CNTNAP5: variants seen among roughly 807,000 people sequenced by gnomAD.
CNTNAP5 encodes the protein contactin associated protein family member 5.
CNTNAP5 carries 72 observed loss-of-function variants against 150.2 expected under a neutral mutation model. The ratio of observed to expected loss-of-function variants is 0.48; its 90% CI spans 0.40 to 0.58. The LOEUF (loss-of-function observed/expected upper bound fraction) is 0.58, where lower values mean the gene tolerates loss of function less well. Among genes scored for constraint, CNTNAP5 ranks in the 20% least tolerant of loss-of-function variants. The pLI is 0.00. For synonymous variants in CNTNAP5, 672 were observed against 619.8 expected, an observed-to-expected ratio of 1.08 and a Z score of -1.25; for missense variants, 1,636 against 1,626.2, an observed-to-expected ratio of 1.01 and a Z score of -0.10.
intron 1 of CNTNAP5, among the ~76,000 whole-genome samples, chr2:124,136,834 C>T (rs571951009): frequency 4.6e-5 from 7 of 152,198 alleles, no homozygotes; most frequent in African/African-American, 1.7e-4. Context: ...TGGAAGTGGC[C>T]CTTCATCAGA....
chr2:124,729,287 T>G (rs192649809), intron 13 of CNTNAP5, among the ~76,000 whole-genome samples: 1 of 152,238 alleles, frequency 6.6e-6, no homozygotes, highest in East Asian at 1.9e-4. Context: ...TTTTTATTAA[T>G]GTAATACAAT....
chr2:124,182,849 A>G (rs894061217), intron 1 of CNTNAP5, among the ~76,000 whole-genome samples: 1 of 152,118 alleles, frequency 6.6e-6, no homozygotes, highest in Non-Finnish European at 1.5e-5. Context: ...TTTAATCAGA[A>G]GATTTGTTCC....
At chr2:124,097,551 G>A (rs34694808) in intron 1 of CNTNAP5, among the ~76,000 whole-genome samples, 12,918 of 152,108 alleles carry the variant, frequency 0.085, 735 homozygotes, top group Non-Finnish European at 0.13. Flanking sequence ...ACATGCTGGC[G>A]CCCCAGAGCC....
At position 124,527,393 on chromosome 2, in the gene CNTNAP5, T is replaced by G; in HGVS notation, c.1586T>G (p.Val529Gly). ...AACCAGCCCAAGGACCTCATTTCAG[T>G]TCAGCAAGGTTCCCTGGGGAATTTT... ...IDNQPKDLIS[V>G]QQGSLGNFSD... Residue 529 changes from valine (V) to glycine (G), a missense_variant, in exon 10 of 24, where the codon GTT (valine) becomes GGT (glycine). Transcript: ENST00000682447. 1 of 1,613,728 alleles carries G rather than the reference T, an allele frequency of 6.2e-7. No homozygotes were observed. Among genetic ancestry groups the G allele is most frequent in the Non-Finnish European group, 8.5e-7 (1 of 1,179,670 alleles).
chr2:124,317,367 C>T lies in CNTNAP5; in HGVS notation c.381+74974C>T, dbSNP rs948706953. On this transcript the variant is annotated intron_variant, in intron 3 of 23. Coordinates refer to ENST00000682447, the MANE Select transcript of CNTNAP5 (RefSeq NM_001367498.1). ...CATGCAAAGTTTAAGCAAATTTTCACGTCACTCAGCTTTTAAGTAGAAAAG... is the reference window on the plus strand; with the variant it reads ...CATGCAAAGTTTAAGCAAATTTTCATGTCACTCAGCTTTTAAGTAGAAAAG... 3.9e-5 allele frequency among the ~76,000 whole-genome samples: 6 copies of T among 152,114 alleles called. No homozygotes were observed. The South Asian group carries it at 8.3e-4, about 21-fold the overall frequency.
intron 1 of CNTNAP5, among the ~76,000 whole-genome samples, chr2:124,117,025 G>C (rs981605739): frequency 6.6e-6 from 1 of 152,210 alleles, no homozygotes; most frequent in African/African-American, 2.4e-5. Context: ...CTTGAAATGT[G>C]AGACAGCACT....
At chr2:124,045,576 C>T (rs1681511020) in intron 1 of CNTNAP5, among the ~76,000 whole-genome samples, 1 of 151,990 alleles carries the variant, frequency 6.6e-6, no homozygotes, top group Admixed American at 6.6e-5. Flanking sequence ...CCGCACCAGG[C>T]CTGGTTTTCT....
chr2:124,435,612 T>C (rs1034501054), intron 5 of CNTNAP5, among the ~76,000 whole-genome samples: 2 of 152,218 alleles, frequency 1.3e-5, no homozygotes, highest in African/African-American at 2.4e-5. Flanking sequence ...GTTATCTTTT[T>C]GTCTTCACTA....
rs546954225 is a variant in CNTNAP5, at chr2:124,556,661, T to G, written c.1650-6556T>G. On this transcript the variant is annotated intron_variant, in intron 10 of 23. Transcript: ENST00000682447. ...AGACTAGAGGAGCATCGGGGTGGGG[T>G]GATAAGTGGTGAGAGTCAGGACAGC... is the stretch of plus-strand genomic sequence containing the variant. Among the ~76,000 whole-genome samples, 4 of 151,544 alleles carry G rather than the reference T, an allele frequency of 2.6e-5. No homozygotes were observed. The South Asian group carries it at 8.3e-4, about 32-fold the overall frequency.
intron 10 of CNTNAP5, among the ~76,000 whole-genome samples, chr2:124,537,885 A>G (rs1695276801): frequency 6.6e-6 from 1 of 152,286 alleles, no homozygotes; most frequent in African/African-American, 2.4e-5. Context: ...CGGGCACAAA[A>G]GAGCCTTTAT....
intron 1 of CNTNAP5, among the ~76,000 whole-genome samples, chr2:124,093,331 A>G (rs898099763): frequency 6.6e-6 from 1 of 152,244 alleles, no homozygotes; most frequent in African/African-American, 2.4e-5. Flanking sequence ...AGGAATGGTA[A>G]ATATACATAA....
chr2:124,221,935 G>T (rs778667447), intron 2 of CNTNAP5, 126 bp downstream of exon 2: 2 of 641,256 alleles, frequency 3.1e-6, no homozygotes, highest in Non-Finnish European at 5.5e-6. Flanking sequence ...AAATATTTAC[G>T]AGGAGAGGAG....
At chr2:124,573,519 G>A (rs17011732) in intron 11 of CNTNAP5, among the ~76,000 whole-genome samples, 4,570 of 152,304 alleles carry the variant, frequency 0.03, 125 homozygotes, top group East Asian at 0.092. Flanking sequence ...ATTCCAAAAT[G>A]TAAGTGAAGA....
At chr2:124,415,104 C>G (rs1322695140) in intron 3 of CNTNAP5, among the ~76,000 whole-genome samples, 2 of 152,144 alleles carry the variant, frequency 1.3e-5, no homozygotes, top group Non-Finnish European at 2.9e-5. Context: ...GGAAGGAGGA[C>G]AGCTTCATAC....
At chr2:124,365,643 T>C (rs1336779577) in intron 3 of CNTNAP5, among the ~76,000 whole-genome samples, 1 of 152,186 alleles carries the variant, frequency 6.6e-6, no homozygotes, top group Non-Finnish European at 1.5e-5. Context: ...GAATTTGAGA[T>C]CCAGCTTTAC....
intron 11 of CNTNAP5, among the ~76,000 whole-genome samples, chr2:124,598,813 C>A (rs1163656716): frequency 6.6e-6 from 1 of 152,196 alleles, no homozygotes; most frequent in African/African-American, 2.4e-5. Context: ...GGGCATAGGA[C>A]CCTCCGAGCC....
intron 3 of CNTNAP5, among the ~76,000 whole-genome samples, chr2:124,393,760 T>C (rs1042127294): frequency 7.2e-5 from 11 of 152,198 alleles, no homozygotes; most frequent in Non-Finnish European, 1.3e-4. Flanking sequence ...AGGCTCAGGC[T>C]TTCTCTGGGA....
chr2:124,645,340 G>T (rs1333340372), intron 12 of CNTNAP5, among the ~76,000 whole-genome samples: 1 of 152,146 alleles, frequency 6.6e-6, no homozygotes, highest in Non-Finnish European at 1.5e-5. Flanking sequence ...CAGCACTTTG[G>T]CAGGTTGTTT....
At chr2:124,084,922 C>CTTTTTT (rs1474480684) in intron 1 of CNTNAP5, among the ~76,000 whole-genome samples, 1 of 18,220 alleles carries the variant, frequency 5.5e-5, no homozygotes, top group African/African-American at 1.5e-4. Flanking sequence ...TTCAAGTTTC[C>CTTTTTT]TGTTTTTTTT....
Sources: gnomAD v4.1 joint callset for allele counts (sites outside exome capture counted in the v4.1 genomes callset) on GRCh38, gnomAD v4.1.1 for gene constraint, MANE v1.5 for transcripts, NCBI Gene and HGNC (gene_info 2026-07-23, HGNC 2026-07-21) for gene names.